KCNN2: variants seen among roughly 807,000 people sequenced by gnomAD.
KCNN2 encodes potassium calcium-activated channel subfamily N member 2.
In KCNN2, 24 loss-of-function variants were observed where a neutral mutation model predicts 55.5. The ratio of observed to expected loss-of-function variants is 0.43; its 90% CI spans 0.31 to 0.61. KCNN2 has a LOEUF of 0.61. KCNN2 is among the 20% of genes least tolerant of loss of function. The pLI, the probability that KCNN2 is intolerant of heterozygous loss-of-function variation, is 0.08. For missense variants in KCNN2, 754 were observed against 853.6 expected (o/e 0.88, Z 1.45); for synonymous variants, 431 against 336.1 (o/e 1.28, Z -3.09).
At chr5:114,363,310 G>T in intron 1 of KCNN2, 49 bp downstream of exon 1, 2 of 1,511,694 alleles carry the variant, frequency 1.3e-6, no homozygotes, top group Non-Finnish European at 1.8e-6. Context: ...GCACTGGGTG[G>T]TTGGGATGGG....
chr5:114,390,210 G>T (rs1432530178), intron 2 of KCNN2, among the ~76,000 whole-genome samples: 1 of 152,040 alleles, frequency 6.6e-6, no homozygotes, highest in African/African-American at 2.4e-5. Flanking sequence ...AATCAAACAC[G>T]TTGGCTTATA....
intron 4 of KCNN2, among the ~76,000 whole-genome samples, chr5:114,463,896 G>A (rs925452909): frequency 6.6e-6 from 1 of 152,292 alleles, no homozygotes; most frequent in East Asian, 1.9e-4. Flanking sequence ...AGTAGGGAGA[G>A]CATTCCAGGA....
intron 1 of KCNN2, among the ~76,000 whole-genome samples, chr5:114,196,959 T>G (rs1302100247): frequency 6.6e-6 from 1 of 152,108 alleles, no homozygotes; most frequent in Non-Finnish European, 1.5e-5. Flanking sequence ...CTTTCTCAAT[T>G]TCTAATAGAA....
intron 2 of KCNN2, among the ~76,000 whole-genome samples, chr5:114,388,741 G>A (rs1463984999): frequency 6.6e-6 from 1 of 152,078 alleles, no homozygotes; most frequent in Non-Finnish European, 1.5e-5. Context: ...AGTTAGTTCT[G>A]TATAGTCTTC....
chr5:114,226,226 T>G (rs1265958234), intron 2 of KCNN2, among the ~76,000 whole-genome samples: 2 of 152,180 alleles, frequency 1.3e-5, no homozygotes, highest in East Asian at 3.8e-4. Flanking sequence ...ATATACTCCT[T>G]TAGAGTGTTT....
chr5:114,091,069 T>C (rs573786676), intron 1 of KCNN2, among the ~76,000 whole-genome samples: 2 of 152,284 alleles, frequency 1.3e-5, no homozygotes, highest in East Asian at 1.9e-4. Flanking sequence ...CAAACTCCTG[T>C]GTTCAAGTGA....
At position 114,136,936 on chromosome 5, in the gene KCNN2, C is replaced by G. The variant is rs1752185478; in HGVS notation, c.-271+80436C>G. Among the ~76,000 whole-genome samples the G allele has an allele frequency of 1.3e-5, 2 of 152,154 alleles. 1 individual carries two copies. The highest frequency in any genetic ancestry group is 4.1e-4 in the South Asian group (2 of 4,834). On this transcript the variant is annotated intron_variant, in intron 1 of 10. Coordinates refer to the KCNN2 transcript ENST00000512097. ...GAGGTTCAATAATTTCTCAAAGTCA[C>G]ACAGCTAAAAAGCATAACAGCCGTG...
At chr5:114,276,088 C>T (rs1470742050) in intron 2 of KCNN2, among the ~76,000 whole-genome samples, 1 of 152,150 alleles carries the variant, frequency 6.6e-6, no homozygotes, top group Non-Finnish European at 1.5e-5. Flanking sequence ...CGTTATGTAT[C>T]CAGTAGTCAC....
At chr5:114,166,790 G>T (rs963141600) in intron 1 of KCNN2, among the ~76,000 whole-genome samples, 1 of 152,034 alleles carries the variant, frequency 6.6e-6, no homozygotes, top group Admixed American at 6.6e-5. Flanking sequence ...AGGGGGGTAG[G>T]GCCTTTTGGA....
At chr5:114,182,750 A>G (rs1753263944) in intron 1 of KCNN2, among the ~76,000 whole-genome samples, 2 of 152,098 alleles carry the variant, frequency 1.3e-5, no homozygotes, top group Non-Finnish European at 2.9e-5. Context: ...AAATTCATCA[A>G]TTGGTTTCTA....
chr5:114,198,485 C>CACA (rs938464392), intron 1 of KCNN2, among the ~76,000 whole-genome samples: 13 of 149,912 alleles, frequency 8.7e-5, no homozygotes, highest in Non-Finnish European at 1.5e-4. Context: ...CACACACACA[C>CACA]ATTTTCTTTA....
intron 2 of KCNN2, among the ~76,000 whole-genome samples, chr5:114,290,019 C>A (rs1182775279): frequency 5.3e-5 from 8 of 152,292 alleles, no homozygotes; most frequent in African/African-American, 1.9e-4. Flanking sequence ...TTGTACCCTG[C>A]AACTTTGCTG....
rs941465743 is a variant in KCNN2 at position 114,421,759 on chromosome 5, G to A, written c.1637+16903G>A. Among the ~76,000 whole-genome samples, 12 of 151,746 alleles carry A rather than the reference G, an allele frequency of 7.9e-5. No individual in the cohort carries two copies. In the South Asian group the frequency reaches 1.9e-3, roughly 24 times the overall value. On this transcript the variant is annotated intron_variant, in intron 3 of 7. Transcript: ENST00000673685. ...TGAGTAGCTGGGATTACAGGCACCCGCCACCATGCCCAGCTAATTTTTGTA... is the reference window on the plus strand; with the variant it reads ...TGAGTAGCTGGGATTACAGGCACCCACCACCATGCCCAGCTAATTTTTGTA...
intron 2 of KCNN2, among the ~76,000 whole-genome samples, chr5:114,339,758 A>G (rs1756983013): frequency 6.6e-6 from 1 of 152,048 alleles, no homozygotes; most frequent in Non-Finnish European, 1.5e-5. Flanking sequence ...AGCCAAGACC[A>G]TGCTACTGCA....
chr5:114,192,885 T>C (rs1753479270), intron 1 of KCNN2, among the ~76,000 whole-genome samples: 1 of 152,138 alleles, frequency 6.6e-6, no homozygotes, highest in African/African-American at 2.4e-5. Context: ...TCATGTCTTC[T>C]GTCTCAATCC....
chr5:114,078,866 C>T (rs567047403), intron 1 of KCNN2, among the ~76,000 whole-genome samples: 2 of 152,242 alleles, frequency 1.3e-5, no homozygotes, highest in African/African-American at 2.4e-5. Context: ...CCTCTGCCTG[C>T]AGAGCACCTG....
At chr5:114,265,400 T>C (rs1755190540) in intron 2 of KCNN2, among the ~76,000 whole-genome samples, 1 of 151,812 alleles carries the variant, frequency 6.6e-6, no homozygotes, top group African/African-American at 2.4e-5. Flanking sequence ...TTGACTCATG[T>C]GATTATGGAG....
At chr5:114,227,376 C>T (rs1337164306) in intron 2 of KCNN2, among the ~76,000 whole-genome samples, 1 of 152,164 alleles carries the variant, frequency 6.6e-6, no homozygotes, top group Non-Finnish European at 1.5e-5. Flanking sequence ...TAAAGCATCC[C>T]TAGATCCGCT....
At chr5:114,103,478 G>T (rs113173270) in intron 1 of KCNN2, among the ~76,000 whole-genome samples, 4,472 of 152,252 alleles carry the variant, frequency 0.029, 225 homozygotes, top group African/African-American at 0.1. Flanking sequence ...TAGGAGTGGT[G>T]AGAGAGGGCA....
Sources: allele counts gnomAD v4.1 joint callset (sites outside exome capture counted in the v4.1 genomes callset), GRCh38; gene constraint gnomAD v4.1.1; transcripts MANE v1.5; gene names NCBI Gene and HGNC (gene_info 2026-07-23, HGNC 2026-07-21).